Variants in DNASE1L3 observed in about 807,000 individuals in gnomAD.
DNASE1L3 encodes the protein deoxyribonuclease 1L3.
A neutral mutation model predicts 30.9 loss-of-function variants in DNASE1L3; 27 were observed. The ratio of observed to expected loss-of-function variants is 0.87; its 90% CI spans 0.64 to 1.20. DNASE1L3 has a LOEUF of 1.20. Among genes scored for constraint, DNASE1L3 ranks in the 50% most tolerant of loss-of-function variants. The pLI, the probability that DNASE1L3 is intolerant of heterozygous loss-of-function variation, is 0.00. For synonymous variants in DNASE1L3, 135 were observed against 138.0 expected, an observed-to-expected ratio of 0.98 and a Z score of 0.15; for missense variants, 364 against 378.2, an observed-to-expected ratio of 0.96 and a Z score of 0.31.
chr3:58,209,214 C>T (rs755807313), intron 1 of DNASE1L3, among the ~76,000 whole-genome samples: 7 of 152,144 alleles, frequency 4.6e-5, no homozygotes, highest in East Asian at 1.9e-4. Flanking sequence ...GGGATGGCCT[C>T]TTGGTAGGAT....
intron 5 of DNASE1L3, among the ~76,000 whole-genome samples, chr3:58,199,486 A>G (rs768562884): frequency 1.2e-4 from 19 of 152,186 alleles, no homozygotes; most frequent in Non-Finnish European, 1.5e-4. Context: ...CCTGGCCAAC[A>G]TGGTGAAACC....
intron 4 of DNASE1L3, 91 bp downstream of exon 4, chr3:58,204,678 A>C: frequency 1.9e-6 from 2 of 1,033,842 alleles, no homozygotes; most frequent in Non-Finnish European, 2.9e-6. Flanking sequence ...CATCCAGCCT[A>C]ATGCCTCCTT....
chr3:58,193,318 T>C, intron 7 of DNASE1L3, 25 bp downstream of exon 7: 4 of 1,610,796 alleles, frequency 2.5e-6, no homozygotes, highest in East Asian at 2.2e-5. Flanking sequence ...GACAATGGCA[T>C]AGAAAGACAA....
chr3:58,205,471 T>C lies in DNASE1L3; in HGVS notation c.320A>G (p.Lys107Arg). The change falls in exon 3 of 8, where the codon AAG becomes AGG. Residue 107 changes from lysine to arginine, a missense_variant and splice_region_variant. By Grantham distance (26) the Lys-to-Arg change is conservative (BLOSUM62 2). Transcript: ENST00000394549. ...TCCAGGGAGCATAGGTGATACTTAC[T>C]TGTAGAGAAAGGCATATTGTTCTTT... is the stretch of plus-strand genomic sequence containing the variant. ...TYKEQYAFLY[K>R]EKLVSVKRSY... 6.2e-7 allele frequency: 1 copy of C among 1,613,026 alleles called. No homozygotes were observed. The highest frequency in any genetic ancestry group is 8.5e-7 in the Non-Finnish European group (1 of 1,178,936).
rs1250015726 is a variant in DNASE1L3, at chr3:58,192,654, C to A, written c.*33G>T. 1.1e-5 allele frequency: 17 copies of A among 1,595,004 alleles called. No homozygotes were observed. Among genetic ancestry groups the A allele is most frequent in the Non-Finnish European group, 1.4e-5 (16 of 1,169,312 alleles). On this transcript the variant is annotated 3_prime_UTR_variant, in exon 8 of 8. Coordinates refer to ENST00000394549, the MANE Select transcript of DNASE1L3 (RefSeq NM_004944.4). The surrounding 1 kb of genome is among the most constrained non-coding windows in gnomAD (Gnocchi z 4.8). ...CTGTTAGAGACATTTTATTTAGAGG[C>A]AAGAAATGGTTAATAAGATGAGACC...
intron 6 of DNASE1L3, among the ~76,000 whole-genome samples, chr3:58,194,115 G>A (rs2097395766): frequency 1.3e-5 from 2 of 152,118 alleles, no homozygotes; most frequent in South Asian, 4.1e-4. Context: ...AAGTAAGAAT[G>A]AGGTAGTCAA....
intron 2 of DNASE1L3, among the ~76,000 whole-genome samples, chr3:58,206,919 A>G (rs2097404343): frequency 6.6e-6 from 1 of 152,112 alleles, no homozygotes; most frequent in South Asian, 2.1e-4. Flanking sequence ...GCAGACTGAC[A>G]TGGATTCTTG....
intron 2 of DNASE1L3, among the ~76,000 whole-genome samples, chr3:58,207,528 A>G (rs1351351105): frequency 6.7e-6 from 1 of 149,390 alleles, no homozygotes; most frequent in Non-Finnish European, 1.5e-5. Flanking sequence ...ATGGAAACAC[A>G]AACACACCCT....
In DNASE1L3 at chr3:58,201,084, G is replaced by A; in HGVS notation, c.459C>T (p.Pro153=). ...CGGATGTCTCTGGGGTGGTGTGCAG[G>A]GGGATAATCACGAAGTCTTTGACAG... ...HTAVKDFVII[P]LHTTPETSVK... Residue 153 remains proline, a synonymous_variant, in exon 5 of 8, where the codon CCC becomes CCT. Coordinates refer to ENST00000394549, the MANE Select transcript of DNASE1L3 (RefSeq NM_004944.4). The A allele has an allele frequency of 6.2e-7, 1 of 1,610,640 alleles. No individual in the cohort carries two copies. Among genetic ancestry groups the A allele is most frequent in the Non-Finnish European group, 8.5e-7 (1 of 1,177,850 alleles).
intron 6 of DNASE1L3, among the ~76,000 whole-genome samples, chr3:58,194,826 C>T (rs528924784): frequency 1.2e-4 from 19 of 152,076 alleles, no homozygotes; most frequent in South Asian, 4.2e-4. Context: ...GACGGGGTTT[C>T]ACTGTGTTAG....
At chr3:58,205,897 A>G (rs1228692853) in intron 2 of DNASE1L3, among the ~76,000 whole-genome samples, 1 of 152,060 alleles carries the variant, frequency 6.6e-6, no homozygotes, top group East Asian at 1.9e-4. Context: ...GGCCACTGAG[A>G]CCCTAGAAGA....
chr3:58,210,508 G>A (rs1275064004), intron 1 of DNASE1L3, among the ~76,000 whole-genome samples: 1 of 152,198 alleles, frequency 6.6e-6, no homozygotes, highest in Non-Finnish European at 1.5e-5. Flanking sequence ...AACGTATAAT[G>A]AGCCAGATAC....
chr3:58,194,820 G>C (rs986216129), intron 6 of DNASE1L3, among the ~76,000 whole-genome samples: 4 of 151,860 alleles, frequency 2.6e-5, no homozygotes, highest in Non-Finnish European at 4.4e-5. Context: ...AGTAGAGACG[G>C]GGTTTCACTG....
chr3:58,193,370 C>T lies in DNASE1L3; in HGVS notation c.774G>A (p.Gln258=), dbSNP rs1465050312. The change falls in exon 7 of 8, where the codon CAG becomes CAA. Residue 258 remains glutamine (Q), a synonymous_variant. Transcript: ENST00000394549. ...CCTCTTCAGTCAGCTTGTAAGCTTT[C>T]TGGAAGTCAAAAACACTGTTTGACT... ...VPKSNSVFDF[Q]KAYKLTEEEA... is the part of the protein sequence containing the mutation. 1.2e-6 allele frequency: 2 copies of T among 1,614,134 alleles called. No homozygotes were observed.
chr3:58,201,129 C>A lies in DNASE1L3; in HGVS notation c.434-20G>T. On this transcript the variant is annotated intron_variant, in intron 4 of 7. Coordinates refer to ENST00000394549, the MANE Select transcript of DNASE1L3 (RefSeq NM_004944.4). ...TGACAGCTGAGAAACAGGAAAGAGG[C>A]GGGGGTCACACACTTCCCCTGTCAA... 6.3e-7 allele frequency: 1 copy of A among 1,591,704 alleles called. No individual in the cohort carries two copies. Among genetic ancestry groups the A allele is most frequent in the South Asian group, 1.1e-5 (1 of 88,822 alleles).
At chr3:58,207,447 C>T (rs9757648) in intron 2 of DNASE1L3, among the ~76,000 whole-genome samples, 1 of 69,648 alleles carries the variant, frequency 1.4e-5, no homozygotes, top group Non-Finnish European at 3.3e-5. Context: ...TCACACCCCC[C>T]CCCCCCCCAC....
At position 58,210,876 on chromosome 3, in the gene DNASE1L3, G is replaced by A; in HGVS notation, c.31C>T (p.Leu11Phe). Residue 11 changes from leucine to phenylalanine, a missense_variant, in exon 1 of 8, where the codon CTC becomes TTC. Transcript: ENST00000394549. ...AGGGCGCTGTGGATGGAGAGGAGGA[G>A]AAGCAGCAGTGGGGCCAGCTCCCGT... The part of the protein sequence containing the change: MSRELAPLLL[L>F]LLSIHSALAM... 4 of 1,614,114 alleles carry A rather than the reference G, an allele frequency of 2.5e-6. No homozygotes were observed. Among genetic ancestry groups the A allele is most frequent in the African/African-American group, 1.3e-5 (1 of 75,040 alleles).
chr3:58,204,644 A>C (rs1452939274), intron 4 of DNASE1L3, 125 bp downstream of exon 4: 3 of 719,522 alleles, frequency 4.2e-6, no homozygotes, highest in African/African-American at 1.8e-5. Context: ...TCTACATTGA[A>C]GTATTAGAAG....
chr3:58,204,104 C>T (rs997213262), intron 4 of DNASE1L3, among the ~76,000 whole-genome samples: 3 of 151,240 alleles, frequency 2.0e-5, no homozygotes, highest in Non-Finnish European at 2.9e-5. Context: ...GGAGAGTGAG[C>T]CTCTAGGCTA....
Sources: allele counts gnomAD v4.1 joint callset (sites outside exome capture counted in the v4.1 genomes callset), GRCh38; gene constraint gnomAD v4.1.1; non-coding constraint Gnocchi (gnomAD v3.1); transcripts MANE v1.5; gene names NCBI Gene and HGNC (gene_info 2026-07-23, HGNC 2026-07-21).